NALF1: variants seen among roughly 807,000 people sequenced by gnomAD.
NALF1 encodes NALCN channel auxiliary factor 1, also known as family with sequence similarity 155 member A.
Under a neutral mutation model 48.4 loss-of-function variants are expected in NALF1, and 3 were observed. The observed-to-expected ratio is 0.06, with a 90% CI of 0.03 to 0.16. The LOEUF is 0.16. Among genes scored for constraint, NALF1 ranks in the 10% least tolerant of loss-of-function variants. NALF1 has a pLI of 1.00. For missense variants in NALF1, 526 were observed against 571.5 expected (o/e 0.92, Z 0.81); for synonymous variants, 262 against 245.7 (o/e 1.07, Z -0.62).
Position 107,163,911 on chromosome 13 carries a change from G to T in NALF1, c.*6586C>A, listed in dbSNP as rs1594049407. ...CAAGAGAAAAAGGAAGAAAAAGAAA[G>T]CAAGAGGTTTTCTTTTAACGTCCAT... On this transcript the variant is annotated 3_prime_UTR_variant, in exon 3 of 3. Coordinates refer to ENST00000375915, the MANE Select transcript of NALF1 (RefSeq NM_001080396.3). 1 of 152,264 alleles carries T rather than the reference G, an allele frequency of 6.6e-6. No individual in the cohort carries two copies. Among genetic ancestry groups the T allele is most frequent in the South Asian group, 2.1e-4 (1 of 4,826 alleles). 9.4% of individuals were successfully genotyped at this position (152,264 alleles called of 1,614,324 possible).
intron 1 of NALF1, among the ~76,000 whole-genome samples, chr13:107,214,867 C>G (rs1879839049): frequency 6.6e-6 from 1 of 152,180 alleles, no homozygotes; most frequent in Non-Finnish European, 1.5e-5. Flanking sequence ...CCTCATAAAG[C>G]CCTTGAGACT....
chr13:107,321,393 T>C (rs1882252149), intron 1 of NALF1, among the ~76,000 whole-genome samples: 1 of 152,130 alleles, frequency 6.6e-6, no homozygotes, highest in African/African-American at 2.4e-5. Flanking sequence ...TTTGTGCAAT[T>C]TTCCCTGCTA....
In NALF1 at chr13:107,703,539, G is replaced by A. The variant is rs545296259; in HGVS notation, c.915+162143C>T. On this transcript the variant is annotated intron_variant, in intron 1 of 2. Transcript: ENST00000375915. ...TGGCTAATTTATTGTATTTTTAGTA[G>A]ATATGAGGTTTCACTATGTTGGCCA... Among the ~76,000 whole-genome samples the A allele has an allele frequency of 4.6e-5, 7 of 152,040 alleles. No homozygotes were observed. The South Asian group carries it at 1.5e-3, about 32-fold the overall frequency.
chr13:107,252,715 T>C (rs868477240), intron 1 of NALF1, among the ~76,000 whole-genome samples: 1 of 152,110 alleles, frequency 6.6e-6, no homozygotes, highest in African/African-American at 2.4e-5. Flanking sequence ...GGGACCACGG[T>C]TAGGTTTGTT....
At chr13:107,448,453 T>C (rs9989059) in intron 1 of NALF1, among the ~76,000 whole-genome samples, 100,114 of 152,088 alleles carry the variant, frequency 0.66, 33,670 homozygotes, top group Middle Eastern at 0.78. Flanking sequence ...CGTCATTCTA[T>C]TTTAGCAAAG....
chr13:107,164,310 T>G lies in NALF1; in HGVS notation c.*6187A>C, dbSNP rs1425203571. On this transcript the variant is annotated 3_prime_UTR_variant, in exon 3 of 3. Transcript: ENST00000375915. ...CCTGCTTAATCTATTTCCATATACT[T>G]TATCAAAAACTGAACAGGTTTTCTA... 6.6e-6 allele frequency: 1 copy of G among 152,178 alleles called. No individual in the cohort carries two copies. The highest frequency in any genetic ancestry group is 1.5e-5 in the Non-Finnish European group (1 of 68,032). 9.4% of individuals were successfully genotyped at this position (152,178 alleles called of 1,614,324 possible). A position where few individuals can be genotyped will look rare whatever the true frequency, so the allele number is the denominator to read the frequency against.
intron 2 of NALF1, among the ~76,000 whole-genome samples, chr13:107,186,581 T>C (rs917165732): frequency 2.0e-5 from 3 of 152,152 alleles, no homozygotes; most frequent in Admixed American, 1.3e-4. Flanking sequence ...TTGGCGAGGA[T>C]GGTCTCGATC....
At chr13:107,257,673 T>C (rs1838423746) in intron 1 of NALF1, among the ~76,000 whole-genome samples, 1 of 152,108 alleles carries the variant, frequency 6.6e-6, no homozygotes, top group African/African-American at 2.4e-5. Flanking sequence ...CTGGAGGCCC[T>C]GAGGTGGCCA....
intron 1 of NALF1, among the ~76,000 whole-genome samples, chr13:107,682,597 CT>C (rs367854449): frequency 7.3e-5 from 11 of 150,530 alleles, no homozygotes; most frequent in African/African-American, 1.5e-4. Context: ...TGATTCCACT[CT>C]TTTTTTTTTC....
intron 1 of NALF1, among the ~76,000 whole-genome samples, chr13:107,612,874 T>C: frequency 6.6e-6 from 1 of 152,146 alleles, no homozygotes; most frequent in South Asian, 2.1e-4. Context: ...GGATAACTAT[T>C]TGTCTATCTA....
intron 1 of NALF1, among the ~76,000 whole-genome samples, chr13:107,227,042 C>T (rs1880121153): frequency 6.6e-6 from 1 of 152,168 alleles, no homozygotes; most frequent in East Asian, 1.9e-4. Context: ...CAAGAGATTT[C>T]TTTTGACAAA....
intron 1 of NALF1, among the ~76,000 whole-genome samples, chr13:107,568,836 A>T (rs1484216366): frequency 6.6e-6 from 1 of 152,210 alleles, no homozygotes; most frequent in Non-Finnish European, 1.5e-5. Flanking sequence ...TTCTAAATAC[A>T]AGGTCATTGT....
chr13:107,775,550 T>C lies in NALF1; in HGVS notation c.915+90132A>G, dbSNP rs1198336364. On this transcript the variant is annotated intron_variant, in intron 1 of 2. Transcript: ENST00000375915. ...TGTGTCCTTATAGCAGCATGATTTA[T>C]AGTCCTTTGGGTATATACCCAGTAA... Among the ~76,000 whole-genome samples the C allele has an allele frequency of 1.1e-4, 17 of 151,540 alleles. No homozygotes were observed. The Admixed American group carries it at 1.1e-3, about 10-fold the overall frequency.
At chr13:107,683,397 T>C (rs926816944) in intron 1 of NALF1, among the ~76,000 whole-genome samples, 15 of 152,182 alleles carry the variant, frequency 9.9e-5, no homozygotes, top group African/African-American at 2.9e-4. Context: ...TCTGAGAGAG[T>C]TCCCATGCCA....
At chr13:107,349,584 A>G (rs924947436) in intron 1 of NALF1, among the ~76,000 whole-genome samples, 3 of 152,000 alleles carry the variant, frequency 2.0e-5, no homozygotes, top group African/African-American at 4.8e-5. Flanking sequence ...CTACTAAAAT[A>G]CAAAAAATTA....
At chr13:107,225,652 C>T (rs746898040) in intron 1 of NALF1, among the ~76,000 whole-genome samples, 5 of 152,104 alleles carry the variant, frequency 3.3e-5, no homozygotes, top group Non-Finnish European at 7.4e-5. Context: ...GGGACCCAGA[C>T]AATCAACAGT....
At chr13:107,859,374 T>G (rs1467069246) in intron 1 of NALF1, among the ~76,000 whole-genome samples, 1 of 152,192 alleles carries the variant, frequency 6.6e-6, no homozygotes. Context: ...TGCAGGATCT[T>G]TAAGCATCTG....
In NALF1 at chr13:107,617,599, T is replaced by C. The variant is rs150532098; in HGVS notation, c.915+248083A>G. ...GACCCATGAGAAAGAACTCAGTGGGTTGAGAAGACAACAACTAACTCAAAA... is the reference window on the plus strand; with the variant it reads ...GACCCATGAGAAAGAACTCAGTGGGCTGAGAAGACAACAACTAACTCAAAA... On this transcript the variant is annotated intron_variant, in intron 1 of 2. Coordinates refer to ENST00000375915, the MANE Select transcript of NALF1 (RefSeq NM_001080396.3). Among the ~76,000 whole-genome samples the C allele has an allele frequency of 3.9e-3, 596 of 152,276 alleles. 2 individuals are homozygous for C. Among genetic ancestry groups the C allele is most frequent in the African/African-American group, 0.014 (565 of 41,562 alleles).
chr13:107,298,156 T>C (rs1476062345), intron 1 of NALF1, among the ~76,000 whole-genome samples: 2 of 151,872 alleles, frequency 1.3e-5, no homozygotes, highest in Non-Finnish European at 2.9e-5. Context: ...GAGACCATCC[T>C]GGCTAACATG....
Sources: allele counts gnomAD v4.1 joint callset (sites outside exome capture counted in the v4.1 genomes callset), GRCh38; gene constraint gnomAD v4.1.1; transcripts MANE v1.5; gene names NCBI Gene and HGNC (gene_info 2026-07-23, HGNC 2026-07-21).